Variants in ADGRL1 observed in about 807,000 individuals in gnomAD.
ADGRL1 encodes adhesion G protein-coupled receptor L1.
ADGRL1 carries 31 observed loss-of-function variants against 148.9 expected under a neutral mutation model. The observed-to-expected ratio is 0.21, with a 90% confidence interval of 0.16 to 0.28. The LOEUF (loss-of-function observed/expected upper bound fraction) is 0.28. Among genes scored for constraint, ADGRL1 ranks in the 10% least tolerant of loss-of-function variants. The pLI is 1.00. For synonymous variants in ADGRL1, 937 were observed against 900.3 expected (o/e 1.04, Z -0.73); for missense variants, 1,521 against 2,058.8 (o/e 0.74, Z 5.05).
chr19:14,166,959 T>C (rs2144816385), intron 4 of ADGRL1: 3 of 1,580,996 alleles, frequency 1.9e-6, no homozygotes, highest in Middle Eastern at 1.7e-4. Context: ...CACATAAGTA[T>C]GGTACAGGTA....
intron 4 of ADGRL1, among the ~76,000 whole-genome samples, chr19:14,165,657 A>AGAGTGGCT (rs1466729485): frequency 3.3e-5 from 5 of 151,468 alleles, no homozygotes; most frequent in Non-Finnish European, 5.9e-5. Context: ...GCCTGCAAGA[A>AGAGTGGCT]GAGTGGCTGG....
intron 1 of ADGRL1, among the ~76,000 whole-genome samples, chr19:14,204,740 G>C (rs1014238219): frequency 2.8e-5 from 4 of 142,534 alleles, no homozygotes; most frequent in African/African-American, 5.4e-5. Context: ...GAGAGAGAGA[G>C]ACAGACAGAG....
At chr19:14,188,536 T>C (rs1286973821) in intron 1 of ADGRL1, among the ~76,000 whole-genome samples, 4 of 151,978 alleles carry the variant, frequency 2.6e-5, no homozygotes, top group Non-Finnish European at 5.9e-5. Context: ...GCCACCATCC[T>C]CCCAGGCCCT....
rs1969577964 is a variant in ADGRL1, at chr19:14,163,158, C to T, written c.643G>A (p.Asp215Asn). ...RVDGTGFVVY[D>N]GAVFYNKERT... ...TCCTTGTTGTAGAAGACGGCACCATCGTAGACCACAAAGCCTGTGCCATCC... is the reference window on the plus strand; with the variant it reads ...TCCTTGTTGTAGAAGACGGCACCATTGTAGACCACAAAGCCTGTGCCATCC... The change falls in exon 5 of 23, where the codon GAT becomes AAT. Residue 215 changes from aspartate to asparagine, a missense_variant. By Grantham distance (23) the Asp-to-Asn change is conservative. Coordinates refer to ENST00000361434, the MANE Select transcript of ADGRL1 (RefSeq NM_014921.5). 5 of 1,613,854 alleles carry T rather than the reference C, an allele frequency of 3.1e-6. No individual in the cohort carries two copies. The highest frequency in any genetic ancestry group is 1.1e-5 in the South Asian group (1 of 91,078).
At chr19:14,178,805 C>A (rs1382255917) in intron 2 of ADGRL1, among the ~76,000 whole-genome samples, 1 of 152,154 alleles carries the variant, frequency 6.6e-6, no homozygotes, top group African/African-American at 2.4e-5. Flanking sequence ...AGTCCTCGCA[C>A]CTGGCTAAAA....
Position 14,162,495 on chromosome 19 carries a change from G to A in ADGRL1, c.1195+111C>T, listed in dbSNP as rs1490176312. ...ATGCTGTGAATTTCCTTTACCTCCCGATCCCCAAGAGCTCACAGGATGGGG... is the reference window on the plus strand; with the variant it reads ...ATGCTGTGAATTTCCTTTACCTCCCAATCCCCAAGAGCTCACAGGATGGGG... On this transcript the variant is annotated intron_variant, in intron 5 of 22. Transcript: ENST00000361434. The surrounding 1 kb of genome is among the most constrained non-coding windows in gnomAD (Gnocchi z 5.4). The A allele has an allele frequency of 8.6e-6, 8 of 927,864 alleles. No individual in the cohort carries two copies. The highest frequency in any genetic ancestry group is 7.9e-5 in the South Asian group (5 of 63,092). 57.5% of individuals were successfully genotyped at this position (927,864 alleles called of 1,614,324 possible). A position where few individuals can be genotyped will look rare whatever the true frequency, so the allele number is the denominator to read the frequency against.
rs535551230 is a variant in ADGRL1 at position 14,149,544 on chromosome 19, A to G, written c.*1329T>C. On this transcript the variant is annotated 3_prime_UTR_variant, in exon 23 of 23. Coordinates refer to ENST00000361434, the MANE Select transcript of ADGRL1 (RefSeq NM_014921.5). ...AAGGGACAGCGCAGCCATCTTGACAAAGCATCTTTGGGTGTGAAGAGGTCT... is the reference window on the plus strand; with the variant it reads ...AAGGGACAGCGCAGCCATCTTGACAGAGCATCTTTGGGTGTGAAGAGGTCT... 3.3e-5 allele frequency: 5 copies of G among 152,734 alleles called. No individual in the cohort carries two copies. The highest frequency in any genetic ancestry group is 2.1e-4 in the South Asian group (1 of 4,824). The allele number at this position is 152,734 out of a possible 1,614,324, so 9.5% of individuals were successfully genotyped here. A position where few individuals can be genotyped will look rare whatever the true frequency, so the allele number is the denominator to read the frequency against.
At chr19:14,158,665 C>T in intron 11 of ADGRL1, 113 bp from the exon 12 acceptor site, 1 of 812,194 alleles carries the variant, frequency 1.2e-6, no homozygotes. Context: ...ACGCTGGCCA[C>T]TGGGACCTCT....
At chr19:14,156,005 C>T (rs1290147048) in intron 17 of ADGRL1, 105 bp downstream of exon 17, 1 of 833,010 alleles carries the variant, frequency 1.2e-6, no homozygotes, top group Admixed American at 2.1e-5. Context: ...CAATGTGTGT[C>T]ACCAGAGGTG....
intron 4 of ADGRL1, chr19:14,166,948 TCA>T: frequency 6.6e-7 from 1 of 1,519,738 alleles, no homozygotes; most frequent in South Asian, 1.1e-5. Flanking sequence ...GGAGGGCAGG[TCA>T]CATAAGTATG....
Position 14,157,719 on chromosome 19 carries a change from T to C in ADGRL1, c.2535+163A>G, listed in dbSNP as rs551455076. 2.0e-5 allele frequency among the ~76,000 whole-genome samples: 3 copies of C among 152,292 alleles called. No homozygotes were observed. The highest frequency in any genetic ancestry group is 2.1e-4 in the South Asian group (1 of 4,828). On this transcript the variant is annotated intron_variant, in intron 13 of 22. Coordinates refer to ENST00000361434, the MANE Select transcript of ADGRL1 (RefSeq NM_014921.5). This position sits in a 1 kb window ranked among gnomAD's most constrained non-coding sequence, Gnocchi z 7.5. ...TTGGGAGACGGTGGGATCATGGCCA[T>C]AGAGGACCAGACGCATGGCCTCATG...
intron 2 of ADGRL1, among the ~76,000 whole-genome samples, chr19:14,180,831 G>A (rs377226338): frequency 4.6e-5 from 7 of 152,314 alleles, no homozygotes; most frequent in African/African-American, 1.7e-4. Flanking sequence ...TGGGATTACA[G>A]GAGTGAGCCA....
chr19:14,152,981 T>C lies in ADGRL1; in HGVS notation c.3295-69A>G. On this transcript the variant is annotated intron_variant, in intron 18 of 22. Coordinates refer to ENST00000361434, the MANE Select transcript of ADGRL1 (RefSeq NM_014921.5). The surrounding 1 kb of genome is among the most constrained non-coding windows in gnomAD (Gnocchi z 6.1). The stretch of plus-strand genomic sequence containing the variant: ...TCTGTGATCCAGTCTCCCACAGGGC[T>C]GGTCACAAGACAGGCAGCCTTGGGA... 1.3e-6 allele frequency: 2 copies of C among 1,573,532 alleles called. No homozygotes were observed. The highest frequency in any genetic ancestry group is 4.5e-5 in the East Asian group (2 of 44,520).
chr19:14,152,071 G>C lies in ADGRL1; in HGVS notation c.3667+62C>G. 2 of 1,514,762 alleles carry C rather than the reference G, an allele frequency of 1.3e-6. No individual in the cohort carries two copies. Among genetic ancestry groups the C allele is most frequent in the East Asian group, 2.3e-5 (1 of 44,422 alleles). The allele number at this position is 1,514,762 out of a possible 1,614,324, so 93.8% of individuals were successfully genotyped here. ...CTCCTCCTTAAGTGAGGCCGTCTGA[G>C]AAGGCCACTGTCTGTCCCTCTCCCA... On this transcript the variant is annotated intron_variant, in intron 22 of 22. Coordinates refer to ENST00000361434, the MANE Select transcript of ADGRL1 (RefSeq NM_014921.5). This position sits in a 1 kb window ranked among gnomAD's most constrained non-coding sequence, Gnocchi z 6.1.
At chr19:14,187,832 G>C (rs1427545331) in intron 1 of ADGRL1, among the ~76,000 whole-genome samples, 1 of 152,024 alleles carries the variant, frequency 6.6e-6, no homozygotes, top group East Asian at 1.9e-4. Flanking sequence ...GAAAGGTTCA[G>C]GGGAGGCAGT....
chr19:14,189,466 G>A (rs543235059), intron 1 of ADGRL1, among the ~76,000 whole-genome samples: 39 of 152,294 alleles, frequency 2.6e-4, no homozygotes, highest in African/African-American at 9.1e-4. Flanking sequence ...CTGGACTCAA[G>A]TGATCTGCCC....
intron 3 of ADGRL1, among the ~76,000 whole-genome samples, chr19:14,173,079 C>T (rs886658032): frequency 5.9e-5 from 9 of 152,078 alleles, no homozygotes; most frequent in African/African-American, 1.9e-4. Context: ...CCAGCCTCTG[C>T]CTCCCAAGGA....
intron 1 of ADGRL1, among the ~76,000 whole-genome samples, chr19:14,190,718 A>AT (rs1448490824): frequency 3.1e-4 from 47 of 152,098 alleles, no homozygotes; most frequent in Admixed American, 6.6e-5. Context: ...GTCATGCACT[A>AT]TTTGTCTTTC....
Position 14,167,106 on chromosome 19 carries a change from G to C in ADGRL1, c.394+3576C>G, listed in dbSNP as rs1970048085. 5.1e-5 allele frequency: 64 copies of C among 1,265,070 alleles called. 1 individual carries two copies. In the South Asian group the frequency reaches 7.6e-4, roughly 15 times the overall value. The allele number at this position is 1,265,070 out of a possible 1,614,324, so 78.4% of individuals were successfully genotyped here. ...TGCAAGAAAAAAAGAGAAAAAAAAA[G>C]AGATTAAATTGCTTTCGTTTCTTTT... On this transcript the variant is annotated intron_variant, in intron 4 of 22. Transcript: ENST00000361434.
Sources: gnomAD v4.1 joint callset for allele counts (sites outside exome capture counted in the v4.1 genomes callset) on GRCh38, gnomAD v4.1.1 for gene constraint, Gnocchi (gnomAD v3.1) non-coding constraint, MANE v1.5 for transcripts, NCBI Gene and HGNC (gene_info 2026-07-23, HGNC 2026-07-21) for gene names.